Variants in RBMS3 observed in about 807,000 individuals in gnomAD.
RBMS3 encodes RNA binding motif single stranded interacting protein 3.
A neutral mutation model predicts 66.8 loss-of-function variants in RBMS3; 27 were observed. That is an observed-to-expected ratio of 0.40 (90% CI 0.30 to 0.56). RBMS3 has a LOEUF of 0.56. Ranked by LOEUF, RBMS3 falls within the 20% of genes least tolerant of loss-of-function variation. The pLI, the probability that RBMS3 is intolerant of heterozygous loss-of-function variation, is 0.40. For missense variants in RBMS3, 513 were observed against 549.5 expected (o/e 0.93, Z 0.66); for synonymous variants, 188 against 183.0 (o/e 1.03, Z -0.22).
intron 1 of RBMS3, among the ~76,000 whole-genome samples, chr3:29,346,150 A>G (rs1471754008): frequency 6.6e-6 from 1 of 152,158 alleles, no homozygotes; most frequent in Non-Finnish European, 1.5e-5. Context: ...GACATAAGAC[A>G]GTTCTCAATC....
intron 3 of RBMS3, among the ~76,000 whole-genome samples, chr3:29,491,722 A>C (rs2043551338): frequency 6.6e-6 from 1 of 152,188 alleles, no homozygotes; most frequent in South Asian, 2.1e-4. Flanking sequence ...GGCCGGGCGC[A>C]GTGGCTCATG....
chr3:29,524,763 C>T (rs565039768), intron 3 of RBMS3, among the ~76,000 whole-genome samples: 3 of 152,044 alleles, frequency 2.0e-5, no homozygotes, highest in South Asian at 2.1e-4. Flanking sequence ...AAAAAATGAC[C>T]TCTTGAGAGG....
Position 29,299,986 on chromosome 3 carries a change from A to G in RBMS3, c.75+18230A>G, listed in dbSNP as rs1037518229. ...TTGCTTGTACGACTCAATAGGAAAA[A>G]AAGGGAGAAAATATTCTAATAATAA... On this transcript the variant is annotated intron_variant, in intron 1 of 14. Coordinates refer to ENST00000383767, the MANE Select transcript of RBMS3 (RefSeq NM_001003793.3). Among the ~76,000 whole-genome samples, 4 of 151,968 alleles carry G rather than the reference A, an allele frequency of 2.6e-5. No individual in the cohort carries two copies. In the East Asian group the frequency reaches 7.7e-4, roughly 29 times the overall value.
intron 6 of RBMS3, among the ~76,000 whole-genome samples, chr3:29,809,416 G>T (rs2057660488): frequency 6.6e-6 from 1 of 151,450 alleles, no homozygotes; most frequent in Admixed American, 6.6e-5. Flanking sequence ...TTATGTGTGT[G>T]CATGTTAAAC....
intron 2 of RBMS3, among the ~76,000 whole-genome samples, chr3:29,446,859 A>G (rs1427971596): frequency 1.3e-5 from 2 of 150,036 alleles, no homozygotes; most frequent in Admixed American, 6.6e-5. Flanking sequence ...TGTTTTTTAC[A>G]TAGCATATAT....
chr3:29,514,195 A>G (rs1252794389), intron 3 of RBMS3, among the ~76,000 whole-genome samples: 2 of 152,162 alleles, frequency 1.3e-5, no homozygotes, highest in African/African-American at 4.8e-5. Context: ...GTCTGAATTA[A>G]ACATTGTTAA....
chr3:29,847,417 C>T (rs1327789576), intron 6 of RBMS3, among the ~76,000 whole-genome samples: 1 of 152,134 alleles, frequency 6.6e-6, no homozygotes, highest in Non-Finnish European at 1.5e-5. Flanking sequence ...AAAGCCCTTG[C>T]CTTTGGCAGC....
At chr3:29,862,207 G>C (rs2059232761) in intron 6 of RBMS3, among the ~76,000 whole-genome samples, 2 of 152,106 alleles carry the variant, frequency 1.3e-5, no homozygotes, top group Admixed American at 1.3e-4. Context: ...CTGGGGATCT[G>C]GTTAAAATAT....
chr3:29,930,109 C>CTTTTTTTTTTT lies in RBMS3; in HGVS notation c.940-5967_940-5957dup. Among the ~76,000 whole-genome samples the CTTTTTTTTTTT allele has an allele frequency of 4.9e-3, 214 of 43,572 alleles. 16 individuals carry two copies. The highest frequency in any genetic ancestry group is 0.01 in the African/African-American group (159 of 15,852). 28.6% of individuals were successfully genotyped at this position (43,572 alleles called of 152,430 possible). A position where few individuals can be genotyped will look rare whatever the true frequency, so the allele number is the denominator to read the frequency against. ...TACTTTGTGTCACTTTTCTTTCTTT[C>CTTTTTTTTTTT]TTTTTTTTTTTTTTTTTTTTGAGAT... On this transcript the variant is annotated intron_variant, in intron 10 of 14. Transcript: ENST00000383767.
intron 12 of RBMS3, among the ~76,000 whole-genome samples, chr3:29,956,553 A>G (rs1450950423): frequency 6.6e-6 from 1 of 152,040 alleles, no homozygotes; most frequent in Admixed American, 6.6e-5. Context: ...ATATACTTCA[A>G]TGTTGGCTTT....
chr3:29,903,483 A>G (rs1021282965), intron 10 of RBMS3, among the ~76,000 whole-genome samples: 2 of 152,008 alleles, frequency 1.3e-5, no homozygotes, highest in African/African-American at 4.8e-5. Context: ...GAATTTTAAT[A>G]GTTGATGGAT....
chr3:29,342,622 A>G (rs902015029), intron 1 of RBMS3, among the ~76,000 whole-genome samples: 1 of 152,148 alleles, frequency 6.6e-6, no homozygotes, highest in Non-Finnish European at 1.5e-5. Flanking sequence ...TGCCGAGGAT[A>G]TTATCAAGTG....
At chr3:29,855,046 A>G (rs1490816019) in intron 6 of RBMS3, among the ~76,000 whole-genome samples, 1 of 152,140 alleles carries the variant, frequency 6.6e-6, no homozygotes, top group African/African-American at 2.4e-5. Flanking sequence ...GTGTCTTTCC[A>G]TGGTTCATAA....
At chr3:29,756,600 C>A (rs1264933748) in intron 5 of RBMS3, among the ~76,000 whole-genome samples, 1 of 152,054 alleles carries the variant, frequency 6.6e-6, no homozygotes, top group Non-Finnish European at 1.5e-5. Flanking sequence ...GATTACCTGC[C>A]ACCAGGTCCC....
intron 1 of RBMS3, among the ~76,000 whole-genome samples, chr3:29,326,152 A>C (rs993367953): frequency 2.0e-5 from 3 of 152,078 alleles, no homozygotes; most frequent in African/African-American, 7.2e-5. Flanking sequence ...TTATCTTTCT[A>C]CAATGCAGTT....
chr3:29,745,542 G>A (rs1249080105), intron 5 of RBMS3, among the ~76,000 whole-genome samples: 1 of 152,072 alleles, frequency 6.6e-6, no homozygotes, highest in African/African-American at 2.4e-5. Flanking sequence ...ACATTGAGAG[G>A]GTGTTATGAG....
chr3:29,577,305 T>A (rs1310076963), intron 3 of RBMS3, among the ~76,000 whole-genome samples: 1 of 152,232 alleles, frequency 6.6e-6, no homozygotes, highest in Non-Finnish European at 1.5e-5. Context: ...TACTCTTTGC[T>A]GTCTGCCCCT....
chr3:29,768,720 G>C (rs547487823), intron 6 of RBMS3, among the ~76,000 whole-genome samples: 1 of 151,904 alleles, frequency 6.6e-6, no homozygotes, highest in Non-Finnish European at 1.5e-5. Context: ...GGAGCCAGAA[G>C]ATAACATTGG....
intron 2 of RBMS3, among the ~76,000 whole-genome samples, chr3:29,437,548 G>A (rs754702240): frequency 6.6e-6 from 1 of 152,160 alleles, no homozygotes; most frequent in African/African-American, 2.4e-5. Context: ...TATTGTTATT[G>A]TAAAAGTGTT....
Sources: allele counts gnomAD v4.1 joint callset (sites outside exome capture counted in the v4.1 genomes callset), GRCh38; gene constraint gnomAD v4.1.1; transcripts MANE v1.5; gene names NCBI Gene and HGNC (gene_info 2026-07-23, HGNC 2026-07-21).